The following THSD7A variants were observed in gnomAD, a reference collection of about 807,000 sequenced individuals.
THSD7A encodes thrombospondin type 1 domain containing 7A, also known as thrombospondin type-1 domain-containing protein 7A.
In THSD7A, 96 loss-of-function variants were observed where a neutral mutation model predicts 231.3. That is an observed-to-expected ratio of 0.41 (90% confidence interval 0.35 to 0.49). The LOEUF is 0.49. THSD7A is among the 20% of genes least tolerant of loss of function. The pLI, the probability that THSD7A is intolerant of heterozygous loss-of-function variation, is 0.05. For synonymous variants in THSD7A, 940 were observed against 743.3 expected (o/e 1.26, Z -4.30); for missense variants, 2,290 against 2,070.2 (o/e 1.11, Z -2.06).
chr7:11,620,209 G>T (rs1001852580), intron 2 of THSD7A, among the ~76,000 whole-genome samples: 2 of 151,928 alleles, frequency 1.3e-5, no homozygotes, highest in African/African-American at 2.4e-5. Flanking sequence ...AAGTAAATTT[G>T]TCTCTTAATA....
At chr7:11,427,627 A>G (rs1583720457) in intron 14 of THSD7A, among the ~76,000 whole-genome samples, 2 of 152,194 alleles carry the variant, frequency 1.3e-5, no homozygotes, top group South Asian at 2.1e-4. Context: ...GAGTATGTGT[A>G]GAATTTCTCT....
At chr7:11,517,558 T>A (rs556733672) in intron 6 of THSD7A, among the ~76,000 whole-genome samples, 2 of 152,188 alleles carry the variant, frequency 1.3e-5, no homozygotes, top group South Asian at 4.2e-4. Flanking sequence ...GCCCAGCATA[T>A]CATAATATTT....
chr7:11,780,989 C>A (rs1467322320), intron 1 of THSD7A, among the ~76,000 whole-genome samples: 1 of 56,358 alleles, frequency 1.8e-5, no homozygotes, highest in African/African-American at 5.7e-5. Context: ...CAGAGCGAGA[C>A]TCCGTCTCAA....
At chr7:11,746,653 T>C (rs898424910) in intron 1 of THSD7A, among the ~76,000 whole-genome samples, 3 of 151,868 alleles carry the variant, frequency 2.0e-5, no homozygotes, top group Admixed American at 6.6e-5. Flanking sequence ...CATCACCATA[T>C]ACAGAGTATA....
Position 11,433,197 on chromosome 7 carries a change from T to C in THSD7A, c.3065-4072A>G, listed in dbSNP as rs144058557. ...AATTTTAAAATAGATTGCAGTGATCTACTTAAATCTTACATTTTGACTTTA... is the reference window on the plus strand; with the variant it reads ...AATTTTAAAATAGATTGCAGTGATCCACTTAAATCTTACATTTTGACTTTA... On this transcript the variant is annotated intron_variant, in intron 13 of 27. Transcript: ENST00000423059. 9.5e-3 allele frequency among the ~76,000 whole-genome samples: 1,445 copies of C among 152,202 alleles called. 19 individuals carry two copies. The highest frequency in any genetic ancestry group is 0.029 in the African/African-American group (1,221 of 41,574).
At chr7:11,449,044 T>C (rs1448590345) in intron 11 of THSD7A, among the ~76,000 whole-genome samples, 2 of 152,196 alleles carry the variant, frequency 1.3e-5, no homozygotes, top group African/African-American at 2.4e-5. Context: ...TGTTTAATCA[T>C]AGCAGTCTAA....
chr7:11,775,121 C>T (rs34536738), intron 1 of THSD7A, among the ~76,000 whole-genome samples: 62,972 of 151,950 alleles, frequency 0.41, 13,439 homozygotes, highest in Middle Eastern at 0.5. Flanking sequence ...ATTTACTGCA[C>T]TATAATTTGT....
chr7:11,806,324 T>C (rs1244315310), intron 1 of THSD7A, among the ~76,000 whole-genome samples: 1 of 152,144 alleles, frequency 6.6e-6, no homozygotes, highest in African/African-American at 2.4e-5. Context: ...AGAATAAAAA[T>C]ATTTAAATAA....
At chr7:11,800,405 C>T (rs1382769683) in intron 1 of THSD7A, among the ~76,000 whole-genome samples, 2 of 151,850 alleles carry the variant, frequency 1.3e-5, no homozygotes, top group Non-Finnish European at 1.5e-5. Flanking sequence ...AAAAATTAGC[C>T]GGGTGTGGTG....
chr7:11,391,180 T>C (rs530747766), intron 23 of THSD7A, among the ~76,000 whole-genome samples: 3 of 152,266 alleles, frequency 2.0e-5, no homozygotes, highest in South Asian at 4.2e-4. Context: ...TAAGTCTGCC[T>C]AAGCTGCACT....
intron 6 of THSD7A, among the ~76,000 whole-genome samples, chr7:11,487,250 C>T (rs1335625773): frequency 6.6e-6 from 1 of 152,088 alleles, no homozygotes; most frequent in Non-Finnish European, 1.5e-5. Flanking sequence ...GAGACTAAAA[C>T]ATCTGCTCAA....
chr7:11,701,190 G>A (rs1489369073), intron 1 of THSD7A, among the ~76,000 whole-genome samples: 1 of 151,166 alleles, frequency 6.6e-6, no homozygotes, highest in Non-Finnish European at 1.5e-5. Context: ...GTGTGTGTGT[G>A]TGTGTTTTAT....
At chr7:11,448,737 C>A (rs1303687735) in intron 11 of THSD7A, among the ~76,000 whole-genome samples, 3 of 152,104 alleles carry the variant, frequency 2.0e-5, no homozygotes, top group Non-Finnish European at 4.4e-5. Flanking sequence ...TAGTTGAACA[C>A]AACTTAATGC....
At chr7:11,534,594 T>C (rs946852780) in intron 6 of THSD7A, among the ~76,000 whole-genome samples, 1 of 152,140 alleles carries the variant, frequency 6.6e-6, no homozygotes. Flanking sequence ...TGCATTCTCA[T>C]GATTGCAGCC....
chr7:11,706,193 G>C (rs990537973), intron 1 of THSD7A, among the ~76,000 whole-genome samples: 1 of 150,816 alleles, frequency 6.6e-6, no homozygotes, highest in South Asian at 2.1e-4. Context: ...TGCTACAAAG[G>C]CACCATTTTG....
intron 1 of THSD7A, among the ~76,000 whole-genome samples, chr7:11,743,451 T>C (rs1231573750): frequency 6.6e-6 from 1 of 151,980 alleles, no homozygotes; most frequent in African/African-American, 2.4e-5. Context: ...GCAATGTTTC[T>C]TTGAAGAATA....
chr7:11,785,061 G>GC (rs1419722090), intron 1 of THSD7A, among the ~76,000 whole-genome samples: 2 of 152,018 alleles, frequency 1.3e-5, no homozygotes, highest in East Asian at 3.9e-4. Context: ...AATTCCTGCT[G>GC]CCTACCTCTC....
intron 1 of THSD7A, among the ~76,000 whole-genome samples, chr7:11,643,809 C>G (rs904150529): frequency 6.6e-6 from 1 of 151,968 alleles, no homozygotes; most frequent in Non-Finnish European, 1.5e-5. Context: ...CTATAATGAA[C>G]CTCCATTGCT....
At chr7:11,427,145 C>G (rs1320809607) in intron 14 of THSD7A, among the ~76,000 whole-genome samples, 1 of 152,118 alleles carries the variant, frequency 6.6e-6, no homozygotes, top group Non-Finnish European at 1.5e-5. Flanking sequence ...AATAGAAACT[C>G]AGAGACTGTT....
Sources: allele counts gnomAD v4.1 joint callset (sites outside exome capture counted in the v4.1 genomes callset), GRCh38; gene constraint gnomAD v4.1.1; transcripts MANE v1.5; gene names NCBI Gene and HGNC (gene_info 2026-07-23, HGNC 2026-07-21).